OTOGL: variants seen among roughly 807,000 people sequenced by gnomAD.
OTOGL encodes otogelin-like protein.
OTOGL carries 285 observed loss-of-function variants against 318.5 expected under a neutral mutation model. The observed-to-expected ratio is 0.89, with a 90% CI of 0.81 to 0.99. The LOEUF is 0.99. Ranked by LOEUF, OTOGL falls within the 50% of genes least tolerant of loss-of-function variation. The pLI, the probability that OTOGL is intolerant of heterozygous loss-of-function variation, is 0.00. For missense variants in OTOGL, 2,899 were observed against 2,845.6 expected (o/e 1.02, Z -0.43); for synonymous variants, 987 against 936.5 (o/e 1.05, Z -0.99).
chr12:80,161,763 A>T lies in OTOGL; in HGVS notation c.-19-47650A>T, dbSNP rs374745988. On this transcript the variant is annotated intron_variant, in intron 1 of 58. Transcript: ENST00000547103. Reference sequence around the variant, plus strand: ...CTAGGACATACGGGGGAGCTCAAATATTAAAGCCATCTGGAAATGATGGAA... The same window carrying T: ...CTAGGACATACGGGGGAGCTCAAATTTTAAAGCCATCTGGAAATGATGGAA... Among the ~76,000 whole-genome samples, 35 of 152,242 alleles carry T rather than the reference A, an allele frequency of 2.3e-4. No homozygotes were observed. The East Asian group carries it at 2.9e-3, about 13-fold the overall frequency.
intron 44 of OTOGL, among the ~76,000 whole-genome samples, chr12:80,347,151 A>T (rs541516468): frequency 9.2e-5 from 14 of 151,360 alleles, no homozygotes; most frequent in Non-Finnish European, 1.5e-4. Context: ...TTTTTTTTTT[A>T]AATTATAATT....
At chr12:80,154,311 AG>A (rs531626021) in intron 1 of OTOGL, among the ~76,000 whole-genome samples, 2 of 152,036 alleles carry the variant, frequency 1.3e-5, no homozygotes, top group East Asian at 1.9e-4. Context: ...TCAGTTAAAA[AG>A]GGGGGGAAAA....
chr12:80,219,826 A>G lies in OTOGL; in HGVS notation c.248A>G (p.Tyr83Cys). The G allele has an allele frequency of 1.3e-6, 2 of 1,575,770 alleles. No individual in the cohort carries two copies. The highest frequency in any genetic ancestry group is 1.7e-6 in the Non-Finnish European group (2 of 1,163,884). Reference sequence around the variant, plus strand: ...TTTTCCCCCTCAGGTTCTTGTCCTTATGAATGCCTTAATGGAGCTTTCTGT... The same window carrying G: ...TTTTCCCCCTCAGGTTCTTGTCCTTGTGAATGCCTTAATGGAGCTTTCTGT... Reference protein sequence around the residue: ...GESKIKGSCPYECLNGAFCSK... With the variant: ...GESKIKGSCPCECLNGAFCSK... Residue 83 changes from tyrosine (Y) to cysteine (C), a missense_variant, in exon 6 of 59, where the codon TAT (tyrosine) becomes TGT (cysteine). Transcript: ENST00000547103.
chr12:80,282,727 G>T (rs923094300), intron 26 of OTOGL, among the ~76,000 whole-genome samples: 1 of 151,790 alleles, frequency 6.6e-6, no homozygotes, highest in African/African-American at 2.4e-5. Flanking sequence ...TTAGAAATTT[G>T]AACACATAAA....
chr12:80,185,853 T>A (rs1386884595), intron 1 of OTOGL, among the ~76,000 whole-genome samples: 1 of 152,214 alleles, frequency 6.6e-6, no homozygotes, highest in Non-Finnish European at 1.5e-5. Flanking sequence ...TAATTGCTGC[T>A]TATTCTAATT....
At chr12:80,324,356 G>A (rs1887546446) in intron 35 of OTOGL, among the ~76,000 whole-genome samples, 1 of 152,124 alleles carries the variant, frequency 6.6e-6, no homozygotes, top group Non-Finnish European at 1.5e-5. Context: ...CAGTGCAAAG[G>A]TCTTGGAGTG....
At chr12:80,295,242 T>C (rs1885311304) in intron 26 of OTOGL, among the ~76,000 whole-genome samples, 1 of 143,668 alleles carries the variant, frequency 7.0e-6, no homozygotes, top group Non-Finnish European at 1.5e-5. Context: ...AGTGGCGTGG[T>C]CTCAGCTTAC....
intron 18 of OTOGL, among the ~76,000 whole-genome samples, 165 bp downstream of exon 18, chr12:80,258,167 G>A (rs1210517906): frequency 2.6e-5 from 4 of 152,064 alleles, no homozygotes; most frequent in Non-Finnish European, 5.9e-5. Flanking sequence ...TGATAAATAT[G>A]TTTATTTTGT....
chr12:80,172,973 C>A (rs1592517231), intron 1 of OTOGL, among the ~76,000 whole-genome samples: 1 of 152,246 alleles, frequency 6.6e-6, no homozygotes, highest in East Asian at 1.9e-4. Flanking sequence ...GGAAGAATAG[C>A]TAACAGATGC....
intron 1 of OTOGL, among the ~76,000 whole-genome samples, chr12:80,147,198 A>G: frequency 6.6e-6 from 1 of 150,684 alleles, no homozygotes; most frequent in Non-Finnish European, 1.5e-5. Flanking sequence ...ATTTAGTGCT[A>G]TAAATTTCCC....
intron 22 of OTOGL, among the ~76,000 whole-genome samples, chr12:80,269,029 G>A (rs1174081193): frequency 6.6e-6 from 1 of 152,034 alleles, no homozygotes; most frequent in East Asian, 1.9e-4. Flanking sequence ...GGAAGACCTG[G>A]ATATGTGATC....
intron 1 of OTOGL, among the ~76,000 whole-genome samples, chr12:80,157,394 T>G (rs1456099764): frequency 2.0e-5 from 3 of 152,068 alleles, no homozygotes; most frequent in Non-Finnish European, 4.4e-5. Context: ...CTATGTGTTG[T>G]CTCTTCACTT....
intron 24 of OTOGL, among the ~76,000 whole-genome samples, chr12:80,272,740 G>T (rs1279316029): frequency 1.3e-5 from 2 of 152,004 alleles, no homozygotes; most frequent in Admixed American, 6.6e-5. Flanking sequence ...TTGTCTAAAT[G>T]GCCCCCATCT....
At chr12:80,307,645 G>A (rs1886258195) in intron 29 of OTOGL, among the ~76,000 whole-genome samples, 1 of 138,452 alleles carries the variant, frequency 7.2e-6, no homozygotes, top group Non-Finnish European at 1.6e-5. Context: ...TGGATGGGAC[G>A]GCTGGCCGGG....
intron 37 of OTOGL, 97 bp downstream of exon 37, chr12:80,329,216 A>C: frequency 1.1e-6 from 1 of 933,486 alleles, no homozygotes; most frequent in South Asian, 2.3e-5. Context: ...GCTATCATTA[A>C]TACTACCTAT....
At chr12:80,134,855 T>C (rs985731159) in intron 1 of OTOGL, among the ~76,000 whole-genome samples, 3 of 152,204 alleles carry the variant, frequency 2.0e-5, no homozygotes, top group Non-Finnish European at 4.4e-5. Context: ...CTCATATCTC[T>C]GCATATCAGA....
intron 1 of OTOGL, among the ~76,000 whole-genome samples, chr12:80,178,510 A>G (rs577431891): frequency 7.9e-4 from 121 of 152,226 alleles, no homozygotes; most frequent in African/African-American, 2.9e-3. Flanking sequence ...GTACTTTTCC[A>G]TATAAACTCT....
intron 29 of OTOGL, among the ~76,000 whole-genome samples, chr12:80,306,601 T>C (rs1049269274): frequency 6.6e-6 from 1 of 152,052 alleles, no homozygotes; most frequent in South Asian, 2.1e-4. Context: ...TTGAGTGTGG[T>C]CTAAGCTTAA....
At chr12:80,320,733 A>C (rs1201775777) in intron 34 of OTOGL, 33 bp downstream of exon 34, 1 of 1,517,094 alleles carries the variant, frequency 6.6e-7, no homozygotes, top group African/African-American at 1.4e-5. Flanking sequence ...AAAGAGAACA[A>C]ATAGGTAATT....
Sources: gnomAD v4.1 joint callset for allele counts (sites outside exome capture counted in the v4.1 genomes callset) on GRCh38, gnomAD v4.1.1 for gene constraint, MANE v1.5 for transcripts, NCBI Gene and HGNC (gene_info 2026-07-23, HGNC 2026-07-21) for gene names.